CACNA2D1: variants seen among roughly 807,000 people sequenced by gnomAD.
The protein encoded by CACNA2D1 is calcium voltage-gated channel auxiliary subunit alpha2delta 1.
In CACNA2D1, 53 loss-of-function variants were observed where a neutral mutation model predicts 171.5. The observed-to-expected ratio is 0.31, with a 90% confidence interval of 0.25 to 0.39. The LOEUF (loss-of-function observed/expected upper bound fraction) is 0.39. CACNA2D1 is among the 10% of genes least tolerant of loss of function. The pLI, the probability that CACNA2D1 is intolerant of heterozygous loss-of-function variation, is 1.00. For synonymous variants in CACNA2D1, 442 were observed against 443.1 expected (o/e 1.00, Z 0.03); for missense variants, 903 against 1,299.8 (o/e 0.69, Z 4.69).
chr7:82,284,058 A>G (rs917216800), intron 3 of CACNA2D1, among the ~76,000 whole-genome samples: 1 of 151,890 alleles, frequency 6.6e-6, no homozygotes, highest in East Asian at 1.9e-4. Flanking sequence ...AACTGGGTGT[A>G]GTGGTGTGCA....
At chr7:82,259,322 T>C (rs748198337) in intron 3 of CACNA2D1, among the ~76,000 whole-genome samples, 1 of 152,170 alleles carries the variant, frequency 6.6e-6, no homozygotes, top group Non-Finnish European at 1.5e-5. Flanking sequence ...TCAACCCAAA[T>C]TGTTTAGCTT....
intron 4 of CACNA2D1, among the ~76,000 whole-genome samples, chr7:82,139,945 CTATTATTATTATTAT>C (rs4018980): frequency 1.4e-5 from 2 of 142,952 alleles, no homozygotes; most frequent in African/African-American, 2.6e-5. Flanking sequence ...ACACACCTGG[CTATTATTATTATTAT>C]TATTATTATT....
chr7:82,228,847 A>T (rs1802615540), intron 3 of CACNA2D1, among the ~76,000 whole-genome samples: 1 of 152,120 alleles, frequency 6.6e-6, no homozygotes, highest in African/African-American at 2.4e-5. Flanking sequence ...TTTAAGAAAT[A>T]GCAGTGCCTG....
chr7:82,307,458 G>A (rs1438133215), intron 3 of CACNA2D1, among the ~76,000 whole-genome samples: 1 of 150,344 alleles, frequency 6.7e-6, no homozygotes, highest in Admixed American at 6.7e-5. Flanking sequence ...TGCCTGACAA[G>A]AATTATGTAA....
chr7:81,969,893 G>A lies in CACNA2D1; in HGVS notation c.2296C>T (p.Pro766Ser). The A allele has an allele frequency of 6.3e-7, 1 of 1,576,710 alleles. No homozygotes were observed. The highest frequency in any genetic ancestry group is 8.7e-7 in the Non-Finnish European group (1 of 1,147,102). ...AAGCAATACTTACTGTTAAAGTAGGGAGCAGTGAAAACATAGTTATCATTA... is the reference window on the plus strand; with the variant it reads ...AAGCAATACTTACTGTTAAAGTAGGAAGCAGTGAAAACATAGTTATCATTA... ...LDNDNYVFTA[P>S]YFNKSGPGAY... Residue 766 changes from proline to serine, a missense_variant, in exon 28 of 39, where the codon CCC becomes TCC. Physicochemically the swap from Pro to Ser is moderately conservative, Grantham distance 74 (BLOSUM62 -1). Around this residue, in one of 5 missense-constraint regions of CACNA2D1, gnomAD observed 623 missense variants for 925.5 expected, o/e 0.67. Coordinates refer to ENST00000356860, the MANE Select transcript of CACNA2D1 (RefSeq NM_000722.4).
chr7:82,170,742 ATTC>A, intron 3 of CACNA2D1, 133 bp from the exon 4 acceptor site: 1 of 795,920 alleles, frequency 1.3e-6, no homozygotes, highest in East Asian at 2.6e-5. Flanking sequence ...TGATTCATAA[ATTC>A]TAAATCATTT....
rs140826521 is a variant in CACNA2D1, at chr7:81,946,841, A to G, written c.*3551T>C. The G allele has an allele frequency of 6.6e-6, 1 of 152,212 alleles. No individual in the cohort carries two copies. The highest frequency in any genetic ancestry group is 2.4e-5 in the African/African-American group (1 of 41,564). The allele number at this position is 152,212 out of a possible 1,614,324, so 9.4% of individuals were successfully genotyped here. On this transcript the variant is annotated 3_prime_UTR_variant, in exon 39 of 39. Coordinates refer to ENST00000356860, the MANE Select transcript of CACNA2D1 (RefSeq NM_000722.4). ...TGAACTAGAAATAAGGTAGATGAAG[A>G]GTTGTCTAATTCTTCAAAAATCTGG...
intron 5 of CACNA2D1, among the ~76,000 whole-genome samples, chr7:82,119,110 TTAAC>T (rs1315250020): frequency 6.6e-6 from 1 of 152,144 alleles, no homozygotes; most frequent in Non-Finnish European, 1.5e-5. Flanking sequence ...CATGTAGTAA[TTAAC>T]TATTTCAAAT....
At chr7:82,158,849 A>G (rs1349310964) in intron 4 of CACNA2D1, among the ~76,000 whole-genome samples, 1 of 151,930 alleles carries the variant, frequency 6.6e-6, no homozygotes, top group Non-Finnish European at 1.5e-5. Flanking sequence ...GGCTCAAAAA[A>G]TAAGATAGAC....
At chr7:81,987,783 T>C (rs750563627) in intron 21 of CACNA2D1, among the ~76,000 whole-genome samples, 9 of 152,114 alleles carry the variant, frequency 5.9e-5, no homozygotes, top group Non-Finnish European at 1.0e-4. Context: ...GTGGGAAAGT[T>C]GGGGCCTTGT....
intron 8 of CACNA2D1, among the ~76,000 whole-genome samples, chr7:82,065,734 T>G (rs1478467223): frequency 1.3e-5 from 2 of 152,194 alleles, no homozygotes; most frequent in Non-Finnish European, 1.5e-5. Context: ...TAGTCTTCAT[T>G]CAAATGATGG....
At chr7:82,357,337 C>T (rs1481940105) in intron 1 of CACNA2D1, among the ~76,000 whole-genome samples, 1 of 152,084 alleles carries the variant, frequency 6.6e-6, no homozygotes, top group African/African-American at 2.4e-5. Context: ...ACAAATTACA[C>T]TTTGTGTAAT....
At chr7:81,978,152 G>C (rs1032932248) in intron 24 of CACNA2D1, among the ~76,000 whole-genome samples, 1 of 152,174 alleles carries the variant, frequency 6.6e-6, no homozygotes, top group Admixed American at 6.5e-5. Context: ...GTGTAAATTG[G>C]TTCAACCATT....
At chr7:82,396,972 T>C (rs1167937293) in intron 1 of CACNA2D1, among the ~76,000 whole-genome samples, 1 of 152,234 alleles carries the variant, frequency 6.6e-6, no homozygotes, top group Non-Finnish European at 1.5e-5. Context: ...TTTCTGACAC[T>C]GTGAATTGAA....
chr7:82,363,000 T>C (rs949556929), intron 1 of CACNA2D1, among the ~76,000 whole-genome samples: 1 of 152,128 alleles, frequency 6.6e-6, no homozygotes, highest in Non-Finnish European at 1.5e-5. Flanking sequence ...GGTATAATTG[T>C]CGTATGAATT....
intron 5 of CACNA2D1, among the ~76,000 whole-genome samples, chr7:82,130,903 T>C (rs1039862301): frequency 6.8e-6 from 1 of 147,640 alleles, no homozygotes; most frequent in African/African-American, 2.5e-5. Flanking sequence ...TTCACGCTAC[T>C]CTCCTGCCTC....
intron 32 of CACNA2D1, among the ~76,000 whole-genome samples, chr7:81,964,578 T>C (rs1794500402): frequency 6.6e-6 from 1 of 151,954 alleles, no homozygotes; most frequent in Non-Finnish European, 1.5e-5. Flanking sequence ...TGTGATATTT[T>C]ATTTGTGGAA....
chr7:82,369,265 A>AATAC (rs1563441236), intron 1 of CACNA2D1, among the ~76,000 whole-genome samples: 3 of 152,052 alleles, frequency 2.0e-5, no homozygotes, highest in Non-Finnish European at 4.4e-5. Flanking sequence ...GGAATTCATT[A>AATAC]AGTGTTTAAT....
At chr7:82,169,151 A>T (rs1795763088) in intron 4 of CACNA2D1, among the ~76,000 whole-genome samples, 1 of 152,082 alleles carries the variant, frequency 6.6e-6, no homozygotes, top group Non-Finnish European at 1.5e-5. Context: ...AAACAAAAAA[A>T]ATCGTTTTTA....
Sources: gnomAD v4.1 joint callset for allele counts (sites outside exome capture counted in the v4.1 genomes callset) on GRCh38, gnomAD v4.1.1 for gene constraint, gnomAD v4.1.1 regional missense constraint, MANE v1.5 for transcripts, NCBI Gene and HGNC (gene_info 2026-07-23, HGNC 2026-07-21) for gene names.